Variants in ZNF480 observed in about 807,000 individuals in gnomAD.
ZNF480 encodes the protein zinc finger protein 480.
A neutral mutation model predicts 14.4 loss-of-function variants in ZNF480; 15 were observed. That is an observed-to-expected ratio of 1.04 (90% CI 0.70 to 1.60). The LOEUF (loss-of-function observed/expected upper bound fraction) is 1.60, where lower values mean the gene tolerates loss of function less well. Among genes scored for constraint, ZNF480 ranks in the 40% most tolerant of loss-of-function variants. The pLI is 0.00. For missense variants in ZNF480, 593 were observed against 629.7 expected, an observed-to-expected ratio of 0.94 and a Z score of 0.62; for synonymous variants, 218 against 215.5, an observed-to-expected ratio of 1.01 and a Z score of -0.10.
Position 52,298,341 on chromosome 19 carries a change from G to A in ZNF480, c.-20+1118G>A, listed in dbSNP as rs11084146. Reference sequence around the variant, plus strand: ...GAGCAGAGGGGGAGTAGAGTCAGGGGAAGAGGCAAGACCGGGCACAGTGGC... The same window carrying A: ...GAGCAGAGGGGGAGTAGAGTCAGGGAAAGAGGCAAGACCGGGCACAGTGGC... On this transcript the variant is annotated intron_variant, in intron 1 of 4. Coordinates refer to ENST00000595962, the MANE Select transcript of ZNF480 (RefSeq NM_144684.4). Among the ~76,000 whole-genome samples, 513 of 152,140 alleles carry A rather than the reference G, an allele frequency of 3.4e-3. 3 individuals are homozygous for A. Among genetic ancestry groups the A allele is most frequent in the East Asian group, 0.014 (71 of 5,164 alleles).
intron 2 of ZNF480, among the ~76,000 whole-genome samples, chr19:52,311,372 C>A (rs746402263): frequency 7.9e-5 from 12 of 151,820 alleles, no homozygotes; most frequent in Non-Finnish European, 1.8e-4. Context: ...AAGATGGGAT[C>A]TTTCTATGTT....
At chr19:52,316,264 T>C (rs1329282727) in intron 4 of ZNF480, among the ~76,000 whole-genome samples, 1 of 151,320 alleles carries the variant, frequency 6.6e-6, no homozygotes, top group East Asian at 1.9e-4. Flanking sequence ...TTTTGCTCTA[T>C]TGCCCGGGCT....
intron 2 of ZNF480, among the ~76,000 whole-genome samples, chr19:52,312,401 C>G (rs780607743): frequency 1.6e-4 from 24 of 152,068 alleles, no homozygotes; most frequent in Non-Finnish European, 1.5e-5. Flanking sequence ...ACCTTGTGAT[C>G]CACCCGCCTT....
intron 1 of ZNF480, 108 bp from the exon 2 acceptor site, chr19:52,300,286 G>T (rs2122511037): frequency 8.5e-7 from 1 of 1,171,560 alleles, no homozygotes; most frequent in East Asian, 2.5e-5. Flanking sequence ...GCAGTGGGCA[G>T]CAGAGGACAT....
chr19:52,303,615 T>G (rs1982793993), intron 2 of ZNF480, among the ~76,000 whole-genome samples: 1 of 152,222 alleles, frequency 6.6e-6, no homozygotes, highest in Non-Finnish European at 1.5e-5. Context: ...GAAAAATCAA[T>G]AAATCTAAAG....
In ZNF480 at chr19:52,322,052, T is replaced by A; in HGVS notation, c.802T>A (p.Phe268Ile). Residue 268 changes from phenylalanine to isoleucine, a missense_variant, in exon 5 of 5, where the codon TTT becomes ATT. Phe to Ile is a conservative substitution (Grantham distance 21). Transcript: ENST00000595962. ...PYKCNVCGKVFSYNSNFARHQ... is the reference protein window; with the variant it reads ...PYKCNVCGKVISYNSNFARHQ... The stretch of plus-strand genomic sequence containing the variant: ...CAAATGTAATGTCTGTGGCAAGGTT[T>A]TTAGTTACAATTCAAACTTTGCACG... The A allele has an allele frequency of 6.2e-7, 1 of 1,614,014 alleles. No individual in the cohort carries two copies. The highest frequency in any genetic ancestry group is 1.1e-5 in the South Asian group (1 of 91,084).
chr19:52,297,360 G>C (rs2122504068), intron 1 of ZNF480, 137 bp downstream of exon 1: 1 of 380,572 alleles, frequency 2.6e-6, no homozygotes, highest in Admixed American at 3.4e-5. Context: ...GCGTCTCCGT[G>C]AGAGTCAGGC....
At chr19:52,309,750 G>A (rs1302319864) in intron 2 of ZNF480, among the ~76,000 whole-genome samples, 2 of 152,192 alleles carry the variant, frequency 1.3e-5, no homozygotes, top group African/African-American at 4.8e-5. Context: ...GCAGCCTCCT[G>A]AGTGGCTTCT....
In ZNF480 at chr19:52,322,856, T is replaced by C. The variant is rs1385601436; in HGVS notation, c.1606T>C (p.Ter536GlnextTer12). 10 of 1,559,762 alleles carry C rather than the reference T, an allele frequency of 6.4e-6. No homozygotes were observed. Among genetic ancestry groups the C allele is most frequent in the African/African-American group, 5.4e-5 (4 of 73,526 alleles). The change falls in exon 5 of 5, where the codon TAG becomes CAG. Residue 536 changes from the stop codon to glutamine (Q), a stop_lost. Transcript: ENST00000595962. ...ACAACATTGGACAATTCATATGGGATAGAAACTACAAATGCAACAAATGCG... is the reference window on the plus strand; with the variant it reads ...ACAACATTGGACAATTCATATGGGACAGAAACTACAAATGCAACAAATGCG... ...LAQHWTIHMG[*>Q]
intron 2 of ZNF480, among the ~76,000 whole-genome samples, chr19:52,305,841 G>A (rs1982902839): frequency 6.6e-6 from 1 of 152,134 alleles, no homozygotes; most frequent in South Asian, 2.1e-4. Flanking sequence ...CCTGAAATCG[G>A]GTTCCCATCT....
At chr19:52,314,421 G>A in intron 3 of ZNF480, 142 bp downstream of exon 3, 2 of 595,582 alleles carry the variant, frequency 3.4e-6, no homozygotes, top group East Asian at 7.0e-5. Context: ...AGAGGTTTTG[G>A]TGAGCCGAGA....
chr19:52,313,577 C>G (rs1336379868), intron 2 of ZNF480, among the ~76,000 whole-genome samples: 1 of 152,110 alleles, frequency 6.6e-6, no homozygotes, highest in Non-Finnish European at 1.5e-5. Flanking sequence ...AAAATAATAG[C>G]TAATGCTTCT....
At chr19:52,310,949 G>A (rs12973842) in intron 2 of ZNF480, among the ~76,000 whole-genome samples, 80,958 of 144,652 alleles carry the variant, frequency 0.56, 23,010 homozygotes, top group Non-Finnish European at 0.62. Flanking sequence ...AGCTTACAGT[G>A]AGCCAAGATC....
chr19:52,310,944 A>G lies in ZNF480; in HGVS notation c.73-3209A>G, dbSNP rs142865366. Among the ~76,000 whole-genome samples, 361 of 148,814 alleles carry G rather than the reference A, an allele frequency of 2.4e-3. 2 individuals carry two copies. Among genetic ancestry groups the G allele is most frequent in the African/African-American group, 8.6e-3 (347 of 40,164 alleles). On this transcript the variant is annotated intron_variant, in intron 2 of 4. Transcript: ENST00000595962. ...GGCGTGAACCCGGGAGGCAGAGCTTACAGTGAGCCAAGATCACGCCACTGG... is the reference window on the plus strand; with the variant it reads ...GGCGTGAACCCGGGAGGCAGAGCTTGCAGTGAGCCAAGATCACGCCACTGG...
intron 4 of ZNF480, among the ~76,000 whole-genome samples, chr19:52,319,795 T>G (rs1250665029): frequency 6.6e-6 from 1 of 150,952 alleles, no homozygotes; most frequent in Non-Finnish European, 1.5e-5. Flanking sequence ...TTTTTGGTCT[T>G]TGTAGCTGAT....
In ZNF480 at chr19:52,314,216, C is replaced by T. The variant is rs1983433596; in HGVS notation, c.136C>T (p.Pro46Ser). 1.3e-6 allele frequency: 2 copies of T among 1,584,998 alleles called. No homozygotes were observed. Among genetic ancestry groups the T allele is most frequent in the Non-Finnish European group, 1.7e-6 (2 of 1,161,770 alleles). The change falls in exon 3 of 5, where the codon CCT becomes TCT. Residue 46 changes from proline to serine, a missense_variant. Pro to Ser is a moderately conservative substitution (Grantham distance 74, BLOSUM62 -1). Transcript: ENST00000595962. ...FSQAEWKCLD[P>S]AQRALYKDVM... The stretch of plus-strand genomic sequence containing the variant: ...TCAGGCGGAGTGGAAATGCCTGGAC[C>T]CTGCACAGAGGGCTTTATACAAGGA...
intron 2 of ZNF480, among the ~76,000 whole-genome samples, chr19:52,306,943 G>A (rs115273482): frequency 0.044 from 6,630 of 152,212 alleles, 131 homozygotes; most frequent in Middle Eastern, 0.078. Flanking sequence ...AAATGATGAG[G>A]GGGTGTAGAC....
At chr19:52,304,988 A>G (rs570430953) in intron 2 of ZNF480, among the ~76,000 whole-genome samples, 32 of 152,226 alleles carry the variant, frequency 2.1e-4, no homozygotes, top group African/African-American at 7.7e-4. Context: ...GGTCCCAGCT[A>G]CTTGGGAGGC....
chr19:52,305,015 C>T (rs1164019225), intron 2 of ZNF480, among the ~76,000 whole-genome samples: 6 of 151,986 alleles, frequency 3.9e-5, no homozygotes, highest in Admixed American at 3.3e-4. Flanking sequence ...AGGAGAATGG[C>T]GTGAACCTGG....
Sources: gnomAD v4.1 joint callset for allele counts (sites outside exome capture counted in the v4.1 genomes callset) on GRCh38, gnomAD v4.1.1 for gene constraint, MANE v1.5 for transcripts, NCBI Gene and HGNC (gene_info 2026-07-23, HGNC 2026-07-21) for gene names.